Variants in RNF125 observed in about 807,000 individuals in gnomAD.
The protein encoded by RNF125 is E3 ubiquitin-protein ligase RNF125.
RNF125 carries 21 observed loss-of-function variants against 26.0 expected under a neutral mutation model. The observed-to-expected ratio is 0.81, with a 90% CI of 0.57 to 1.16. RNF125 has a LOEUF of 1.16. Ranked by LOEUF, RNF125 falls within the 50% of genes most tolerant of loss-of-function variation. RNF125 has a pLI of 0.00. For synonymous variants in RNF125, 95 were observed against 109.2 expected (o/e 0.87, Z 0.81); for missense variants, 270 against 299.4 (o/e 0.90, Z 0.72).
intron 1 of RNF125, among the ~76,000 whole-genome samples, chr18:32,035,210 G>T (rs1019499671): frequency 4.6e-5 from 7 of 152,150 alleles, no homozygotes; most frequent in Admixed American, 4.6e-4. Flanking sequence ...GCAAGAAAAA[G>T]GAGGAATGGA....
chr18:32,040,274 T>TC (rs2039203923), intron 2 of RNF125, among the ~76,000 whole-genome samples: 1 of 143,784 alleles, frequency 7.0e-6, no homozygotes, highest in Non-Finnish European at 1.5e-5. Flanking sequence ...TCTTTCTTTT[T>TC]TTTTTTTTTT....
At chr18:32,066,688 G>A (rs1253189218) in intron 5 of RNF125, among the ~76,000 whole-genome samples, 1 of 152,200 alleles carries the variant, frequency 6.6e-6, no homozygotes, top group East Asian at 1.9e-4. Flanking sequence ...TAAGGGAAGA[G>A]ATTAAAAGCA....
Position 32,032,861 on chromosome 18 carries a change from C to A in RNF125, c.165-4255C>A, listed in dbSNP as rs533436438. On this transcript the variant is annotated intron_variant, in intron 1 of 5. Transcript: ENST00000217740. ...AGAGCAAGACATCTGGCAAAAAAAACCAAAAAAACCCAAAACAAAACGAAA... is the reference window on the plus strand; with the variant it reads ...AGAGCAAGACATCTGGCAAAAAAAAACAAAAAAACCCAAAACAAAACGAAA... Among the ~76,000 whole-genome samples the A allele has an allele frequency of 6.6e-4, 101 of 152,008 alleles. 1 individual carries two copies. Among genetic ancestry groups the A allele is most frequent in the Non-Finnish European group, 9.6e-4 (65 of 67,972 alleles).
chr18:32,049,426 A>G (rs2039303116), intron 4 of RNF125, among the ~76,000 whole-genome samples: 1 of 152,178 alleles, frequency 6.6e-6, no homozygotes, highest in Admixed American at 6.5e-5. Context: ...TAATAAAGTA[A>G]GCACTCTGTC....
intron 4 of RNF125, among the ~76,000 whole-genome samples, chr18:32,052,560 A>G (rs2039339513): frequency 6.6e-6 from 1 of 151,902 alleles, no homozygotes; most frequent in Non-Finnish European, 1.5e-5. Context: ...GTGCCTGTGA[A>G]TATTTTCAGT....
chr18:32,079,107 AAATTC>A, the RNF125 span, among the ~76,000 whole-genome samples: 1 of 152,186 alleles, frequency 6.6e-6, no homozygotes, highest in Non-Finnish European at 1.5e-5. Flanking sequence ...GCTTTACTAG[AAATTC>A]AATTCATGTG....
At chr18:32,028,259 C>T (rs1215994833) in intron 1 of RNF125, among the ~76,000 whole-genome samples, 1 of 139,230 alleles carries the variant, frequency 7.2e-6, no homozygotes, top group South Asian at 2.3e-4. Flanking sequence ...GATTGCACCA[C>T]GGCACTCCAG....
rs774191338 is a variant in RNF125 at position 32,042,256 on chromosome 18, T to C, written c.396T>C (p.Leu132=). The C allele has an allele frequency of 1.9e-6, 3 of 1,611,212 alleles. No homozygotes were observed. Reference sequence around the variant, plus strand: ...ATAAGTATGGACCACTACAAGAACTTGAGGAGACAGCAGCAAGGTTTGTTT... The same window carrying C: ...ATAAGTATGGACCACTACAAGAACTCGAGGAGACAGCAGCAAGGTTTGTTT... ...YIDKYGPLQE[L]EETAARCVCP... is the part of the protein sequence containing the mutation. The change falls in exon 3 of 6, where the codon CTT becomes CTC. Residue 132 remains leucine (L), a synonymous_variant. Coordinates refer to ENST00000217740, the MANE Select transcript of RNF125 (RefSeq NM_017831.4).
chr18:32,037,034 A>G (rs894242438), intron 1 of RNF125, 82 bp from the exon 2 acceptor site: 15 of 1,283,468 alleles, frequency 1.2e-5, no homozygotes. Flanking sequence ...TCATTAAATT[A>G]CAGTTTACAC....
chr18:32,031,302 G>A (rs1217593888), intron 1 of RNF125: 1 of 151,606 alleles, frequency 6.6e-6, no homozygotes, highest in Admixed American at 6.6e-5. Context: ...CATAAACTTG[G>A]CACGTTGCTA....
At chr18:32,058,640 C>T (rs928597886) in intron 4 of RNF125, among the ~76,000 whole-genome samples, 1 of 152,194 alleles carries the variant, frequency 6.6e-6, no homozygotes, top group Non-Finnish European at 1.5e-5. Context: ...GCCCCTGTGC[C>T]TGGCCTATAC....
At chr18:32,065,555 G>C (rs967385098) in intron 4 of RNF125, among the ~76,000 whole-genome samples, 2 of 151,840 alleles carry the variant, frequency 1.3e-5, no homozygotes, top group Non-Finnish European at 2.9e-5. Flanking sequence ...TTTTTTGTGT[G>C]TCGGAGTCTT....
Position 32,072,255 on chromosome 18 carries a change from C to T in RNF125, c.*3871C>T, listed in dbSNP as rs1001328185. 4.0e-5 allele frequency: 6 copies of T among 151,888 alleles called. No individual in the cohort carries two copies. Among genetic ancestry groups the T allele is most frequent in the South Asian group, 2.1e-4 (1 of 4,822 alleles). 9.4% of individuals were successfully genotyped at this position (151,888 alleles called of 1,614,324 possible). A position where few individuals can be genotyped will look rare whatever the true frequency, so the allele number is the denominator to read the frequency against. ...AAATAAAGCAAAATCTGTTGGGAAA[C>T]GAGAAAAAGGAGAGGAATTTTTCAG... On this transcript the variant is annotated 3_prime_UTR_variant, in exon 6 of 6. Coordinates refer to ENST00000217740, the MANE Select transcript of RNF125 (RefSeq NM_017831.4).
At chr18:32,081,527 T>C in the RNF125 span, among the ~76,000 whole-genome samples, 1 of 152,168 alleles carries the variant, frequency 6.6e-6, no homozygotes, top group East Asian at 1.9e-4. Context: ...CCCCCACCAT[T>C]TGCAGTGATT....
At chr18:32,047,805 G>A (rs2039286254) in intron 4 of RNF125, among the ~76,000 whole-genome samples, 1 of 152,042 alleles carries the variant, frequency 6.6e-6, no homozygotes, top group Non-Finnish European at 1.5e-5. Flanking sequence ...GATAGATAAT[G>A]GATAGAAATA....
At chr18:32,035,014 T>A (rs2039139057) in intron 1 of RNF125, among the ~76,000 whole-genome samples, 1 of 152,130 alleles carries the variant, frequency 6.6e-6, no homozygotes, top group Non-Finnish European at 1.5e-5. Context: ...ATCTGGTTGC[T>A]ACTGAATCTG....
intron 1 of RNF125, among the ~76,000 whole-genome samples, chr18:32,030,249 G>A (rs968250422): frequency 1.3e-5 from 2 of 152,112 alleles, no homozygotes; most frequent in African/African-American, 4.8e-5. Context: ...CACCATGTTG[G>A]CCAGGCTGAT....
the RNF125 span, among the ~76,000 whole-genome samples, chr18:32,083,388 A>G: frequency 1.3e-5 from 2 of 152,220 alleles, no homozygotes; most frequent in East Asian, 3.8e-4. Context: ...AAAATAATAA[A>G]TGCCTATATA....
At chr18:32,052,053 T>C (rs1397974248) in intron 4 of RNF125, among the ~76,000 whole-genome samples, 1 of 152,122 alleles carries the variant, frequency 6.6e-6, no homozygotes, top group East Asian at 1.9e-4. Flanking sequence ...GACTTTTGGT[T>C]TGAAGTGTAA....
Sources: gnomAD v4.1 joint callset for allele counts (sites outside exome capture counted in the v4.1 genomes callset) on GRCh38, gnomAD v4.1.1 for gene constraint, MANE v1.5 for transcripts, NCBI Gene and HGNC (gene_info 2026-07-23, HGNC 2026-07-21) for gene names.